Variants in ACCSL observed in about 807,000 individuals in gnomAD.
ACCSL encodes probable inactive 1-aminocyclopropane-1-carboxylate synthase-like protein 2.
A neutral mutation model predicts 61.7 loss-of-function variants in ACCSL; 55 were observed. That is an observed-to-expected ratio of 0.89 (90% CI 0.72 to 1.12). The LOEUF (loss-of-function observed/expected upper bound fraction) is 1.12. ACCSL is among the 50% of genes most tolerant of loss of function. ACCSL has a pLI of 0.00. For synonymous variants in ACCSL, 258 were observed against 264.3 expected, an observed-to-expected ratio of 0.98 and a Z score of 0.23; for missense variants, 632 against 698.0, an observed-to-expected ratio of 0.91 and a Z score of 1.07.
At chr11:44,051,469 C>A (rs2134768641) in intron 4 of ACCSL, 65 bp downstream of exon 4, 1 of 1,594,338 alleles carries the variant, frequency 6.3e-7, no homozygotes, top group Non-Finnish European at 8.6e-7. Context: ...GGATGCTCTG[C>A]CCTTTCTAGG....
the ACCSL span, among the ~76,000 whole-genome samples, chr11:44,020,615 T>C: frequency 6.6e-6 from 1 of 152,300 alleles, no homozygotes; most frequent in Middle Eastern, 3.4e-3. Context: ...ATATGGTACA[T>C]TATATTGATT....
At chr11:44,034,725 A>G in the ACCSL span, among the ~76,000 whole-genome samples, 2 of 152,194 alleles carry the variant, frequency 1.3e-5, no homozygotes, top group Admixed American at 6.5e-5. Flanking sequence ...TGTGGGAGCT[A>G]CAATTCAAGA....
At chr11:43,943,401 GCTCGGA>G in the ACCSL span, 16 of 1,400,076 alleles carry the variant, frequency 1.1e-5, no homozygotes, top group Non-Finnish European at 1.4e-5. The surrounding 1 kb of genome is among the most constrained non-coding windows in gnomAD (Gnocchi z 4.8). Flanking sequence ...CTCCTCGCGC[GCTCGGA>G]CTCCCGCCCC....
chr11:43,921,981 T>C, the ACCSL span, among the ~76,000 whole-genome samples: 2 of 152,252 alleles, frequency 1.3e-5, no homozygotes, highest in African/African-American at 2.4e-5. Flanking sequence ...AAGGGCAGTG[T>C]GCCTCAGTGA....
the ACCSL span, among the ~76,000 whole-genome samples, chr11:43,952,943 G>A: frequency 6.6e-6 from 1 of 152,332 alleles, no homozygotes; most frequent in Admixed American, 6.5e-5. Flanking sequence ...CTGCCAGAGC[G>A]AGGTCCTCAT....
the ACCSL span, among the ~76,000 whole-genome samples, chr11:43,974,245 G>A: frequency 5.3e-5 from 8 of 152,214 alleles, no homozygotes; most frequent in Admixed American, 5.2e-4. Context: ...AATTCACAGT[G>A]TTGGCAGGAT....
At chr11:43,982,254 CTT>C in the ACCSL span, among the ~76,000 whole-genome samples, 1 of 107,702 alleles carries the variant, frequency 9.3e-6, no homozygotes, top group Non-Finnish European at 1.8e-5. Context: ...TTTTTTGAGA[CTT>C]AGTCTCTGTT....
the ACCSL span, among the ~76,000 whole-genome samples, chr11:44,008,807 T>G: frequency 1.3e-5 from 2 of 152,208 alleles, no homozygotes; most frequent in African/African-American, 4.8e-5. Context: ...TCAGGTAATG[T>G]CATCTCCTGA....
chr11:44,017,153 T>C, the ACCSL span, among the ~76,000 whole-genome samples: 43 of 152,264 alleles, frequency 2.8e-4, 1 homozygote, highest in African/African-American at 9.9e-4. Flanking sequence ...GACTTGTCTA[T>C]GGGGGTCCAG....
intron 1 of ACCSL, among the ~76,000 whole-genome samples, chr11:44,049,274 G>A (rs983264837): frequency 6.6e-6 from 1 of 151,958 alleles, no homozygotes; most frequent in Non-Finnish European, 1.5e-5. Context: ...ACAAAAACTA[G>A]CCAGGCGTGG....
At chr11:43,968,448 G>A in the ACCSL span, among the ~76,000 whole-genome samples, 1 of 151,714 alleles carries the variant, frequency 6.6e-6, no homozygotes, top group South Asian at 2.1e-4. Flanking sequence ...GTCTTTATGT[G>A]TTGTTGAGTT....
At chr11:43,923,973 A>G in the ACCSL span, among the ~76,000 whole-genome samples, 1 of 152,188 alleles carries the variant, frequency 6.6e-6, no homozygotes, top group East Asian at 1.9e-4. Context: ...CAGCACAAGG[A>G]CAGTCCCTAT....
chr11:43,958,597 A>G, the ACCSL span, among the ~76,000 whole-genome samples: 1 of 152,224 alleles, frequency 6.6e-6, no homozygotes, highest in Non-Finnish European at 1.5e-5. Context: ...CTGTCTAGGC[A>G]GCAGGCAATG....
chr11:44,050,204 G>C, intron 2 of ACCSL, 83 bp downstream of exon 2: 1 of 1,160,888 alleles, frequency 8.6e-7, no homozygotes, highest in Admixed American at 1.7e-5. Flanking sequence ...GGTAGATACA[G>C]GGGTGAGACA....
chr11:43,958,979 G>A, the ACCSL span, among the ~76,000 whole-genome samples: 1 of 152,280 alleles, frequency 6.6e-6, no homozygotes, highest in South Asian at 2.1e-4. Flanking sequence ...ACACATGGCA[G>A]AAGGTAGAAG....
the ACCSL span, among the ~76,000 whole-genome samples, chr11:43,988,925 C>A: frequency 1.3e-5 from 2 of 151,272 alleles, no homozygotes; most frequent in African/African-American, 4.9e-5. Context: ...TACATGCCAC[C>A]ACACCCTTCT....
At chr11:44,051,578 G>A in intron 4 of ACCSL, 75 bp from the exon 5 acceptor site, 4 of 1,588,856 alleles carry the variant, frequency 2.5e-6, no homozygotes, top group Non-Finnish European at 3.5e-6. Flanking sequence ...CTGCCCAGGG[G>A]GATGGAGAAA....
At chr11:43,984,656 C>T in the ACCSL span, among the ~76,000 whole-genome samples, 1 of 152,236 alleles carries the variant, frequency 6.6e-6, no homozygotes, top group Non-Finnish European at 1.5e-5. Context: ...GTGGATCTTG[C>T]CAAGATGTTC....
chr11:43,979,718 A>C, the ACCSL span, among the ~76,000 whole-genome samples: 5 of 151,994 alleles, frequency 3.3e-5, no homozygotes, highest in African/African-American at 1.2e-4. Flanking sequence ...GTGGTGGTGC[A>C]TGCCTGTAGT....
Sources: allele counts gnomAD v4.1 joint callset (sites outside exome capture counted in the v4.1 genomes callset), GRCh38; gene constraint gnomAD v4.1.1; non-coding constraint Gnocchi (gnomAD v3.1); transcripts MANE v1.5; gene names NCBI Gene and HGNC (gene_info 2026-07-23, HGNC 2026-07-21).